STK3: variants seen among roughly 807,000 people sequenced by gnomAD.
The protein encoded by STK3 is serine/threonine-protein kinase 3.
A neutral mutation model predicts 58.0 loss-of-function variants in STK3; 41 were observed. That is an observed-to-expected ratio of 0.71 (90% CI 0.55 to 0.92). The LOEUF (loss-of-function observed/expected upper bound fraction) is 0.92. Among genes scored for constraint, STK3 ranks in the 40% least tolerant of loss-of-function variants. STK3 has a pLI of 0.00. For synonymous variants in STK3, 170 were observed against 191.0 expected (o/e 0.89, Z 0.91); for missense variants, 479 against 602.7 (o/e 0.79, Z 2.15).
intron 6 of STK3, among the ~76,000 whole-genome samples, chr8:98,679,321 C>T (rs1823454988): frequency 6.6e-6 from 1 of 152,176 alleles, no homozygotes; most frequent in African/African-American, 2.4e-5. Context: ...ACAGAACTTG[C>T]AGTAAGTTGG....
intron 6 of STK3, among the ~76,000 whole-genome samples, chr8:98,656,078 A>G (rs1821478120): frequency 6.6e-6 from 1 of 152,218 alleles, no homozygotes; most frequent in Non-Finnish European, 1.5e-5. Flanking sequence ...AAGACTTGGA[A>G]CCAACCTAAA....
chr8:98,836,714 C>G (rs935594115), intron 3 of STK3, among the ~76,000 whole-genome samples: 3 of 152,098 alleles, frequency 2.0e-5, no homozygotes, highest in Non-Finnish European at 4.4e-5. Context: ...TCCCAGGCCC[C>G]ACTATAAACT....
At chr8:98,361,339 C>CAT in the STK3 span, among the ~76,000 whole-genome samples, 103 of 151,890 alleles carry the variant, frequency 6.8e-4, no homozygotes, top group African/African-American at 2.1e-3. Context: ...GCATGACCCC[C>CAT]ATATATATAT....
chr8:98,701,264 G>A (rs1443060798), intron 6 of STK3, among the ~76,000 whole-genome samples: 4 of 146,834 alleles, frequency 2.7e-5, no homozygotes, highest in Admixed American at 7.1e-5. Context: ...AAGGAAGGAC[G>A]GAAGGAAGGA....
At chr8:98,373,543 G>A (rs1484267738) in intron 2 of STK3, among the ~76,000 whole-genome samples, 1 of 152,172 alleles carries the variant, frequency 6.6e-6, no homozygotes, top group Non-Finnish European at 1.5e-5. Flanking sequence ...TTTCATGCCA[G>A]TTTTTAGATT....
chr8:98,588,387 G>C (rs1814877087), intron 7 of STK3, among the ~76,000 whole-genome samples: 2 of 151,068 alleles, frequency 1.3e-5, no homozygotes, highest in Non-Finnish European at 3.0e-5. Flanking sequence ...TGAAATTCTG[G>C]GTTGAAAATT....
intron 1 of STK3, among the ~76,000 whole-genome samples, chr8:98,789,983 G>T (rs376262088): frequency 6.8e-6 from 1 of 146,714 alleles, no homozygotes; most frequent in African/African-American, 2.6e-5. Context: ...AGGCGAAATC[G>T]CGCCATTGCA....
At chr8:98,580,097 T>C (rs1478653378) in intron 7 of STK3, among the ~76,000 whole-genome samples, 1 of 152,134 alleles carries the variant, frequency 6.6e-6, no homozygotes, top group East Asian at 1.9e-4. Context: ...GTAAAAAAGA[T>C]TAAGTTAAAA....
chr8:98,523,412 T>C (rs935066720), intron 10 of STK3, among the ~76,000 whole-genome samples: 1 of 150,780 alleles, frequency 6.6e-6, no homozygotes, highest in Non-Finnish European at 1.5e-5. Context: ...TCTCGCTCTG[T>C]CACCCAGGCT....
At chr8:98,697,162 T>A (rs1825029440) in intron 6 of STK3, among the ~76,000 whole-genome samples, 1 of 152,252 alleles carries the variant, frequency 6.6e-6, no homozygotes, top group African/African-American at 2.4e-5. Context: ...TTTGTAGTAT[T>A]CTCTGATGGT....
At chr8:98,439,347 A>G (rs1480058262) in intron 1 of STK3, 1 of 152,198 alleles carries the variant, frequency 6.6e-6, no homozygotes, top group Non-Finnish European at 1.5e-5. Context: ...ATCAAGAGTC[A>G]GGAGTTTCAG....
chr8:98,541,359 G>A (rs1367223365), intron 9 of STK3, among the ~76,000 whole-genome samples: 3 of 151,954 alleles, frequency 2.0e-5, no homozygotes, highest in Non-Finnish European at 2.9e-5. Flanking sequence ...AAAGTGTATA[G>A]CCCCACCCGC....
At chr8:98,502,627 T>C (rs1749896762) in intron 10 of STK3, among the ~76,000 whole-genome samples, 1 of 152,226 alleles carries the variant, frequency 6.6e-6, no homozygotes, top group Admixed American at 6.5e-5. Flanking sequence ...CTGTTGAACT[T>C]TGTCAAACGC....
At chr8:98,652,287 A>G (rs1381731993) in intron 6 of STK3, among the ~76,000 whole-genome samples, 1 of 152,070 alleles carries the variant, frequency 6.6e-6, no homozygotes, top group Admixed American at 6.5e-5. Context: ...ATGCTGAGAG[A>G]TTTTGTCACC....
At chr8:98,848,720 A>C (rs1217884463) in intron 3 of STK3, among the ~76,000 whole-genome samples, 1 of 152,100 alleles carries the variant, frequency 6.6e-6, no homozygotes, top group Non-Finnish European at 1.5e-5. Flanking sequence ...CTTTGTGTGG[A>C]TGTACTACAT....
At chr8:98,893,486 G>GAAAGAGAGAAAGAAAGAA (rs776247646) in intron 1 of STK3, among the ~76,000 whole-genome samples, 2 of 42,998 alleles carry the variant, frequency 4.7e-5, no homozygotes, top group African/African-American at 2.2e-4. Flanking sequence ...AAGAAAGAAA[G>GAAAGAGAGAAAGAAAGAA]AGAAAGAAAG....
chr8:98,579,012 A>G (rs1013352797), intron 8 of STK3, among the ~76,000 whole-genome samples: 6 of 151,998 alleles, frequency 3.9e-5, no homozygotes, highest in African/African-American at 2.4e-5. Context: ...TTAGCCAGGC[A>G]TGGTAGTGTG....
intron 2 of STK3, among the ~76,000 whole-genome samples, chr8:98,374,518 A>G (rs1255140862): frequency 6.6e-5 from 10 of 152,258 alleles, no homozygotes; most frequent in South Asian, 4.1e-4. Context: ...AGCCCTGCAC[A>G]TGGCAGTGGA....
At chr8:98,514,826 T>C (rs1824804925) in intron 10 of STK3, among the ~76,000 whole-genome samples, 1 of 152,148 alleles carries the variant, frequency 6.6e-6, no homozygotes, top group Non-Finnish European at 1.5e-5. Context: ...AATAGATTTA[T>C]ATGTCCTCCA....
Sources: gnomAD v4.1 joint callset for allele counts (sites outside exome capture counted in the v4.1 genomes callset) on GRCh38, gnomAD v4.1.1 for gene constraint, MANE v1.5 for transcripts, NCBI Gene and HGNC (gene_info 2026-07-23, HGNC 2026-07-21) for gene names.